The following KCTD16 variants were observed in gnomAD, a reference collection of about 807,000 sequenced individuals.
The protein encoded by KCTD16 is potassium channel tetramerization domain containing 16, also known as BTB/POZ domain-containing protein KCTD16.
A neutral mutation model predicts 33.2 loss-of-function variants in KCTD16; 13 were observed. The observed-to-expected ratio is 0.39, with a 90% confidence interval of 0.25 to 0.62. The LOEUF is 0.62. KCTD16 is among the 20% of genes least tolerant of loss of function. The pLI is 0.50. For missense variants in KCTD16, 441 were observed against 525.1 expected (o/e 0.84, Z 1.57); for synonymous variants, 197 against 195.3 (o/e 1.01, Z -0.07).
At chr5:144,232,142 T>C (rs189406179) in intron 3 of KCTD16, among the ~76,000 whole-genome samples, 73 of 152,292 alleles carry the variant, frequency 4.8e-4, no homozygotes, top group African/African-American at 1.7e-3. Context: ...TTTCCAATCA[T>C]ACTATTAACC....
intron 3 of KCTD16, among the ~76,000 whole-genome samples, chr5:144,331,790 ACTGAATGTGATTAT>A (rs1312420546): frequency 2.6e-5 from 4 of 152,224 alleles, no homozygotes; most frequent in African/African-American, 9.6e-5. Context: ...AGAGGGATGC[ACTGAATGTGATTAT>A]CTATAAAAGT....
chr5:144,388,224 C>T (rs774963700), intron 3 of KCTD16, among the ~76,000 whole-genome samples: 1 of 151,158 alleles, frequency 6.6e-6, no homozygotes, highest in African/African-American at 2.4e-5. Flanking sequence ...GGACTACAGG[C>T]GCCCGCCACC....
Position 144,476,475 on chromosome 5 carries a change from G to C in KCTD16, c.*2361G>C, listed in dbSNP as rs1295112153. 4 of 152,178 alleles carry C rather than the reference G, an allele frequency of 2.6e-5. No individual in the cohort carries two copies. The highest frequency in any genetic ancestry group is 1.3e-4 in the Admixed American group (2 of 15,272). 9.4% of individuals were successfully genotyped at this position (152,178 alleles called of 1,614,324 possible). On this transcript the variant is annotated 3_prime_UTR_variant, in exon 4 of 4. Transcript: ENST00000512467. ...TCCTCTGACCCCTGACCTGTCATGA[G>C]TTTTCTCTGCTCTGACATTCCTTAT...
intron 2 of KCTD16, among the ~76,000 whole-genome samples, chr5:144,194,973 C>T (rs922587075): frequency 6.6e-6 from 1 of 152,186 alleles, no homozygotes; most frequent in African/African-American, 2.4e-5. Context: ...TCAATGTTGT[C>T]ATTTTGTGCT....
At chr5:144,180,776 G>A (rs568983069) in intron 2 of KCTD16, among the ~76,000 whole-genome samples, 7 of 152,108 alleles carry the variant, frequency 4.6e-5, no homozygotes, top group African/African-American at 1.4e-4. Flanking sequence ...GTAGTCTGGG[G>A]AAGAGTATCC....
Position 144,294,699 on chromosome 5 carries a change from C to G in KCTD16, c.832+87153C>G, listed in dbSNP as rs1421620770. On this transcript the variant is annotated intron_variant, in intron 3 of 3. Transcript: ENST00000512467. The stretch of plus-strand genomic sequence containing the variant: ...AAAATAGCTCAGTTAGAGCATGGGA[C>G]AGAATTGAGTGGGCAGAACTGGGTT... 2.0e-5 allele frequency among the ~76,000 whole-genome samples: 3 copies of G among 152,186 alleles called. No individual in the cohort carries two copies. In the East Asian group the frequency reaches 5.8e-4, roughly 29 times the overall value.
intron 3 of KCTD16, among the ~76,000 whole-genome samples, chr5:144,239,446 A>C (rs1329425994): frequency 6.6e-6 from 1 of 152,134 alleles, no homozygotes; most frequent in Non-Finnish European, 1.5e-5. Context: ...AGTTGCAAAG[A>C]ATCTAATTTA....
At chr5:144,246,116 C>T (rs1754543538) in intron 3 of KCTD16, among the ~76,000 whole-genome samples, 1 of 152,136 alleles carries the variant, frequency 6.6e-6, no homozygotes, top group South Asian at 2.1e-4. Flanking sequence ...TCACAGAGAT[C>T]AGCTGATGTT....
At chr5:144,355,721 C>A (rs1364464613) in intron 3 of KCTD16, among the ~76,000 whole-genome samples, 1 of 152,154 alleles carries the variant, frequency 6.6e-6, no homozygotes, top group Non-Finnish European at 1.5e-5. Flanking sequence ...CCAATCTCCA[C>A]TCTGCTTCTC....
In KCTD16 at chr5:144,345,696, T is replaced by A. The variant is rs189349305; in HGVS notation, c.833-127964T>A. On this transcript the variant is annotated intron_variant, in intron 3 of 3. Transcript: ENST00000512467. ...TAGATTAGTGCTGTCCCACAGACAT[T>A]AAAAAAAAATTAGATTTTATTTTTG... Among the ~76,000 whole-genome samples, 51 of 151,654 alleles carry A rather than the reference T, an allele frequency of 3.4e-4. No individual in the cohort carries two copies. The East Asian group carries it at 9.5e-3, about 28-fold the overall frequency.
At chr5:144,182,504 A>C (rs1287097085) in intron 2 of KCTD16, among the ~76,000 whole-genome samples, 1 of 152,242 alleles carries the variant, frequency 6.6e-6, no homozygotes, top group Non-Finnish European at 1.5e-5. Context: ...ATGTAGGTCA[A>C]AGGGTACAAA....
intron 3 of KCTD16, among the ~76,000 whole-genome samples, chr5:144,334,953 T>A (rs1561571251): frequency 6.6e-6 from 1 of 152,000 alleles, no homozygotes; most frequent in Non-Finnish European, 1.5e-5. Flanking sequence ...ATTTTTTTTT[T>A]ATTTTTTGTA....
intron 3 of KCTD16, among the ~76,000 whole-genome samples, chr5:144,220,298 G>C (rs909267926): frequency 2.6e-5 from 4 of 152,160 alleles, no homozygotes; most frequent in Admixed American, 6.5e-5. Context: ...TCAGTACCTT[G>C]TTTGTTTCCA....
chr5:144,389,629 A>G (rs922766704), intron 3 of KCTD16, among the ~76,000 whole-genome samples: 1 of 151,944 alleles, frequency 6.6e-6, no homozygotes, highest in Non-Finnish European at 1.5e-5. Context: ...AATAAATGCA[A>G]CACACTTGAA....
At chr5:144,346,558 T>C (rs1752805971) in intron 3 of KCTD16, among the ~76,000 whole-genome samples, 1 of 152,216 alleles carries the variant, frequency 6.6e-6, no homozygotes, top group Admixed American at 6.5e-5. Flanking sequence ...CCATTTTAAC[T>C]GGAATGAGAT....
chr5:144,284,910 G>T (rs959519929), intron 3 of KCTD16, among the ~76,000 whole-genome samples: 1 of 152,088 alleles, frequency 6.6e-6, no homozygotes, highest in Non-Finnish European at 1.5e-5. Context: ...CAGAGTCGAG[G>T]GTCACAGCCA....
At chr5:144,418,073 T>TA (rs930189476) in intron 3 of KCTD16, among the ~76,000 whole-genome samples, 18 of 152,234 alleles carry the variant, frequency 1.2e-4, no homozygotes, top group African/African-American at 3.4e-4. Flanking sequence ...TTACAGCTCT[T>TA]AAAGGTGGTG....
chr5:144,450,342 G>C (rs1356346538), intron 3 of KCTD16, among the ~76,000 whole-genome samples: 1 of 152,054 alleles, frequency 6.6e-6, no homozygotes, highest in Non-Finnish European at 1.5e-5. Flanking sequence ...CTTTTACACT[G>C]TTGGTGAAAG....
intron 3 of KCTD16, among the ~76,000 whole-genome samples, chr5:144,281,988 C>CT (rs1755620623): frequency 6.6e-6 from 1 of 152,104 alleles, no homozygotes; most frequent in Non-Finnish European, 1.5e-5. Flanking sequence ...CATATTTGGT[C>CT]TTTCTCTTAG....
Sources: gnomAD v4.1 joint callset for allele counts (sites outside exome capture counted in the v4.1 genomes callset) on GRCh38, gnomAD v4.1.1 for gene constraint, MANE v1.5 for transcripts, NCBI Gene and HGNC (gene_info 2026-07-23, HGNC 2026-07-21) for gene names.